Variants in RAPGEF5 observed in about 807,000 individuals in gnomAD.
RAPGEF5 encodes the protein M-Ras-regulated GEF.
In RAPGEF5, 65 loss-of-function variants were observed where a neutral mutation model predicts 125.2. The ratio of observed to expected loss-of-function variants is 0.52; its 90% CI spans 0.43 to 0.64. The LOEUF (loss-of-function observed/expected upper bound fraction) is 0.64. RAPGEF5 is among the 30% of genes least tolerant of loss of function. The pLI, the probability that RAPGEF5 is intolerant of heterozygous loss-of-function variation, is 0.00. For synonymous variants in RAPGEF5, 391 were observed against 385.9 expected, an observed-to-expected ratio of 1.01 and a Z score of -0.16; for missense variants, 958 against 1,048.1, an observed-to-expected ratio of 0.91 and a Z score of 1.19.
At chr7:22,178,639 G>T (rs1307357335) in intron 11 of RAPGEF5, among the ~76,000 whole-genome samples, 1 of 152,194 alleles carries the variant, frequency 6.6e-6, no homozygotes, top group African/African-American at 2.4e-5. Flanking sequence ...GTCTAAAAAG[G>T]TCCTGAGCAC....
intron 1 of RAPGEF5, among the ~76,000 whole-genome samples, chr7:22,334,254 A>G (rs2128158315): frequency 6.8e-6 from 1 of 147,966 alleles, no homozygotes; most frequent in Non-Finnish European, 1.5e-5. Context: ...ATTCAACAAA[A>G]CAATAGGAGG....
At chr7:22,262,042 A>G (rs1782168105) in intron 7 of RAPGEF5, among the ~76,000 whole-genome samples, 1 of 152,188 alleles carries the variant, frequency 6.6e-6, no homozygotes, top group African/African-American at 2.4e-5. Context: ...AAGACTCATT[A>G]AAAATTAATA....
Position 22,140,062 on chromosome 7 carries a change from T to C in RAPGEF5, c.2240A>G (p.Asn747Ser). ...NSFFAIVMGLNTASVSRLSQT... is the reference protein window; with the variant it reads ...NSFFAIVMGLSTASVSRLSQT... The stretch of plus-strand genomic sequence containing the variant: ...CGACAGTCGACTGACAGAAGCAGTG[T>C]TGAGACCCATCACAATGGCAAAGAA... The change falls in exon 21 of 26, where the codon AAC (asparagine) becomes AGC (serine). Residue 747 changes from asparagine (N) to serine (S), a missense_variant. Asn to Ser is a conservative substitution (Grantham distance 46). Coordinates refer to ENST00000665637, the MANE Select transcript of RAPGEF5 (RefSeq NM_012294.5). The C allele has an allele frequency of 1.3e-6, 2 of 1,568,924 alleles. No homozygotes were observed. The highest frequency in any genetic ancestry group is 1.7e-6 in the Non-Finnish European group (2 of 1,156,478).
At chr7:22,279,033 C>G (rs565777493) in intron 6 of RAPGEF5, among the ~76,000 whole-genome samples, 1 of 152,278 alleles carries the variant, frequency 6.6e-6, no homozygotes, top group South Asian at 2.1e-4. Context: ...ATAGCCTATT[C>G]AAACCTCTTT....
chr7:22,311,453 G>C (rs1290498735), intron 3 of RAPGEF5, among the ~76,000 whole-genome samples: 1 of 152,094 alleles, frequency 6.6e-6, no homozygotes, highest in Non-Finnish European at 1.5e-5. Context: ...GATTGGCATA[G>C]TTACAAATAC....
chr7:22,271,128 T>G (rs1018324875), intron 6 of RAPGEF5, among the ~76,000 whole-genome samples: 1 of 152,200 alleles, frequency 6.6e-6, no homozygotes, highest in African/African-American at 2.4e-5. Context: ...TGAGTTTTCA[T>G]CTAGTTCAGC....
intron 14 of RAPGEF5, 133 bp downstream of exon 14, chr7:22,160,385 A>T: frequency 1.3e-6 from 1 of 779,430 alleles, no homozygotes; most frequent in Non-Finnish European, 2.0e-6. Context: ...TTACTACTAG[A>T]AAAGCTAAGG....
intron 11 of RAPGEF5, among the ~76,000 whole-genome samples, chr7:22,174,661 C>T (rs1784450625): frequency 6.6e-6 from 1 of 152,138 alleles, no homozygotes. Context: ...GAGGAAATTC[C>T]TGAAGGATCT....
intron 1 of RAPGEF5, among the ~76,000 whole-genome samples, chr7:22,348,564 G>A (rs568577903): frequency 2.0e-5 from 3 of 152,296 alleles, no homozygotes; most frequent in Admixed American, 2.0e-4. Context: ...AGAAAACAAT[G>A]ACTTCTAGGA....
At chr7:22,354,726 T>C (rs1274932900) in intron 1 of RAPGEF5, among the ~76,000 whole-genome samples, 1 of 152,150 alleles carries the variant, frequency 6.6e-6, no homozygotes, top group Non-Finnish European at 1.5e-5. Flanking sequence ...CCTCTGCGTT[T>C]ACCAAGGGAA....
chr7:22,313,095 T>A (rs938218540), intron 3 of RAPGEF5, among the ~76,000 whole-genome samples: 1 of 152,174 alleles, frequency 6.6e-6, no homozygotes, highest in African/African-American at 2.4e-5. Flanking sequence ...AATAATGTGA[T>A]ATGGAGGTGA....
intron 7 of RAPGEF5, among the ~76,000 whole-genome samples, chr7:22,246,660 G>C (rs949348200): frequency 5.9e-5 from 9 of 151,720 alleles, no homozygotes; most frequent in African/African-American, 1.9e-4. Context: ...GTGGACATTA[G>C]CCTTGGCAAA....
intron 21 of RAPGEF5, among the ~76,000 whole-genome samples, chr7:22,138,047 A>G (rs948025323): frequency 1.6e-4 from 24 of 150,222 alleles, no homozygotes; most frequent in South Asian, 4.3e-4. Flanking sequence ...ACGCACGCAC[A>G]CACACACCCC....
intron 5 of RAPGEF5, among the ~76,000 whole-genome samples, chr7:22,296,497 G>C (rs1783064206): frequency 6.6e-6 from 1 of 152,170 alleles, no homozygotes; most frequent in Non-Finnish European, 1.5e-5. Flanking sequence ...ACTTCAGCAG[G>C]ACCAAAAGCA....
chr7:22,298,348 T>A (rs1286711610), intron 5 of RAPGEF5, among the ~76,000 whole-genome samples: 1 of 152,024 alleles, frequency 6.6e-6, no homozygotes, highest in African/African-American at 2.4e-5. Flanking sequence ...TGGCTAATTT[T>A]TTCATATTTT....
At chr7:22,148,706 T>G (rs1783522787) in intron 18 of RAPGEF5, among the ~76,000 whole-genome samples, 1 of 152,156 alleles carries the variant, frequency 6.6e-6, no homozygotes, top group African/African-American at 2.4e-5. Context: ...TGCCCAGGCC[T>G]GCCTTCTTTT....
At chr7:22,290,467 C>T (rs1348599224) in intron 6 of RAPGEF5, among the ~76,000 whole-genome samples, 1 of 152,204 alleles carries the variant, frequency 6.6e-6, no homozygotes, top group Non-Finnish European at 1.5e-5. Context: ...AATGAAAGGC[C>T]GGGCGCGGTG....
intron 13 of RAPGEF5, among the ~76,000 whole-genome samples, chr7:22,161,055 A>C (rs1435731583): frequency 1.3e-5 from 1 of 75,380 alleles, no homozygotes; most frequent in Admixed American, 1.4e-4. Context: ...AAAAAAAAAA[A>C]AAATTAGCCA....
At chr7:22,145,960 T>TTGTG in intron 19 of RAPGEF5, among the ~76,000 whole-genome samples, 1 of 148,338 alleles carries the variant, frequency 6.7e-6, no homozygotes, top group Middle Eastern at 3.5e-3. Context: ...TTAAATGTGT[T>TTGTG]TGTGTGCGTG....
Sources: gnomAD v4.1 joint callset for allele counts (sites outside exome capture counted in the v4.1 genomes callset) on GRCh38, gnomAD v4.1.1 for gene constraint, MANE v1.5 for transcripts, NCBI Gene and HGNC (gene_info 2026-07-23, HGNC 2026-07-21) for gene names.